The following NT5M variants were observed in gnomAD, a reference collection of about 807,000 sequenced individuals.
NT5M encodes 5',3'-nucleotidase, mitochondrial.
A neutral mutation model predicts 22.2 loss-of-function variants in NT5M; 22 were observed. The ratio of observed to expected loss-of-function variants is 0.99; its 90% CI spans 0.71 to 1.41. NT5M has a LOEUF of 1.41. Among genes scored for constraint, NT5M ranks in the 40% most tolerant of loss-of-function variants. The pLI, the probability that NT5M is intolerant of heterozygous loss-of-function variation, is 0.00. For synonymous variants in NT5M, 167 were observed against 133.0 expected, an observed-to-expected ratio of 1.26 and a Z score of -1.76; for missense variants, 322 against 314.8, an observed-to-expected ratio of 1.02 and a Z score of -0.17.
chr17:17,303,380 GGCC>G lies in NT5M; in HGVS notation c.-169_-167del. The G allele has an allele frequency of 1.3e-6, 1 of 781,596 alleles. No individual in the cohort carries two copies. The highest frequency in any genetic ancestry group is 1.6e-6 in the Non-Finnish European group (1 of 641,716). 48.4% of individuals were successfully genotyped at this position (781,596 alleles called of 1,614,324 possible). The stretch of plus-strand genomic sequence containing the variant: ...CGCGCGCGCCGCGGCCTCGCTCTGG[GGCC>G]GGTACTTGCGCGCCCGCACCCCGCG... On this transcript the variant is annotated 5_prime_UTR_variant, in exon 1 of 5. Coordinates refer to ENST00000389022, the MANE Select transcript of NT5M (RefSeq NM_020201.4).
chr17:17,337,678 T>G (rs1370564553), intron 3 of NT5M, among the ~76,000 whole-genome samples: 5 of 152,134 alleles, frequency 3.3e-5, no homozygotes, highest in Non-Finnish European at 7.4e-5. Flanking sequence ...GTGTGAGCCA[T>G]CACACGCAGC....
chr17:17,340,158 T>C (rs1476195732), intron 3 of NT5M, among the ~76,000 whole-genome samples: 1 of 152,230 alleles, frequency 6.6e-6, no homozygotes, highest in Admixed American at 6.5e-5. Flanking sequence ...CAGTTGTTGT[T>C]ACTTGTTATT....
At chr17:17,318,883 A>C (rs1289427305) in intron 2 of NT5M, among the ~76,000 whole-genome samples, 5 of 151,064 alleles carry the variant, frequency 3.3e-5, no homozygotes, top group Non-Finnish European at 1.5e-5. Context: ...GAAGCCAGAC[A>C]CAGAAGGCCA....
At chr17:17,340,421 AC>A (rs573212496) in intron 3 of NT5M, among the ~76,000 whole-genome samples, 142 of 151,034 alleles carry the variant, frequency 9.4e-4, no homozygotes, top group African/African-American at 3.0e-3. Context: ...TTTCCAAAAA[AC>A]CAACTTTTTG....
At chr17:17,332,981 T>C (rs1398440951) in intron 3 of NT5M, among the ~76,000 whole-genome samples, 1 of 152,226 alleles carries the variant, frequency 6.6e-6, no homozygotes, top group African/African-American at 2.4e-5. Context: ...CCACAGTGAA[T>C]GAGAGTCCCT....
chr17:17,313,639 G>A (rs916251271), intron 2 of NT5M, among the ~76,000 whole-genome samples: 2 of 152,194 alleles, frequency 1.3e-5, no homozygotes, highest in South Asian at 2.1e-4. Context: ...CAGGGGCTGC[G>A]GGGACACAAA....
At chr17:17,331,532 G>T (rs1489651522) in intron 3 of NT5M, among the ~76,000 whole-genome samples, 1 of 151,570 alleles carries the variant, frequency 6.6e-6, no homozygotes, top group East Asian at 1.9e-4. Context: ...CTTCTAGTTA[G>T]ATCTGGCCAT....
chr17:17,344,659 G>A (rs2049719632), intron 3 of NT5M, 135 bp from the exon 4 acceptor site: 2 of 1,058,736 alleles, frequency 1.9e-6, no homozygotes, highest in East Asian at 4.8e-5. Flanking sequence ...CTGGCGCTGG[G>A]CCTTGGTGTC....
intron 2 of NT5M, among the ~76,000 whole-genome samples, chr17:17,319,701 C>T (rs1051714234): frequency 2.0e-5 from 3 of 152,072 alleles, no homozygotes; most frequent in Non-Finnish European, 4.4e-5. Context: ...GGGTGGTTGC[C>T]TAGGGCCCCA....
chr17:17,307,997 C>A (rs1317286355), intron 2 of NT5M, among the ~76,000 whole-genome samples: 1 of 152,084 alleles, frequency 6.6e-6, no homozygotes, highest in Non-Finnish European at 1.5e-5. Flanking sequence ...TTGCAGTGAG[C>A]TGAGATTGCT....
chr17:17,304,979 G>A (rs1567876952), intron 1 of NT5M, among the ~76,000 whole-genome samples: 1 of 152,186 alleles, frequency 6.6e-6, no homozygotes, highest in Non-Finnish European at 1.5e-5. Context: ...AGTGTGCTGA[G>A]CTCTTCTACA....
Position 17,333,198 on chromosome 17 carries a change from G to T in NT5M, c.429+9953G>T, listed in dbSNP as rs1397482133. ...TGCCTCGTTTCTCATTGAGTTGTTT[G>T]TGAGTTGTGAGAGTTCTTTAGATAT... On this transcript the variant is annotated intron_variant, in intron 3 of 4. Transcript: ENST00000389022. Among the ~76,000 whole-genome samples, 2 of 152,212 alleles carry T rather than the reference G, an allele frequency of 1.3e-5. 1 individual carries two copies. The highest frequency in any genetic ancestry group is 2.9e-5 in the Non-Finnish European group (2 of 68,044).
chr17:17,307,438 AGAT>A (rs1355970595), intron 2 of NT5M, among the ~76,000 whole-genome samples: 1 of 151,374 alleles, frequency 6.6e-6, no homozygotes, highest in Non-Finnish European at 1.5e-5. Context: ...AGCCTGGCCA[AGAT>A]GATGAAACCT....
chr17:17,318,212 C>T (rs1266795875), intron 2 of NT5M, among the ~76,000 whole-genome samples: 1 of 152,120 alleles, frequency 6.6e-6, no homozygotes, highest in East Asian at 1.9e-4. Context: ...CATGGTGGCT[C>T]ATGCCTGTAA....
At chr17:17,315,762 T>TTG (rs2049012523) in intron 2 of NT5M, among the ~76,000 whole-genome samples, 1 of 140,044 alleles carries the variant, frequency 7.1e-6, no homozygotes, top group Non-Finnish European at 1.6e-5. Flanking sequence ...GTTTTTTTTT[T>TTG]TTTTTTTTTT....
At chr17:17,321,449 A>C (rs996739776) in intron 2 of NT5M, among the ~76,000 whole-genome samples, 2 of 151,826 alleles carry the variant, frequency 1.3e-5, no homozygotes, top group Non-Finnish European at 2.9e-5. Context: ...AGGGAGGAAG[A>C]AGTGAGCCCG....
At chr17:17,306,402 G>C in intron 1 of NT5M, 141 bp from the exon 2 acceptor site, 2 of 689,628 alleles carry the variant, frequency 2.9e-6, no homozygotes, top group Non-Finnish European at 5.2e-6. Context: ...ACTACCCCCA[G>C]GAAGTACGTC....
At chr17:17,340,701 T>G (rs926771337) in intron 3 of NT5M, among the ~76,000 whole-genome samples, 1 of 151,614 alleles carries the variant, frequency 6.6e-6, no homozygotes, top group Non-Finnish European at 1.5e-5. Flanking sequence ...TTATTTTTGT[T>G]TTTTTAGTAG....
chr17:17,333,791 G>A (rs1206010809), intron 3 of NT5M, among the ~76,000 whole-genome samples: 1 of 151,358 alleles, frequency 6.6e-6, no homozygotes, highest in Non-Finnish European at 1.5e-5. Context: ...CCTAGTAGCT[G>A]GGATTACAGG....
Sources: gnomAD v4.1 joint callset for allele counts (sites outside exome capture counted in the v4.1 genomes callset) on GRCh38, gnomAD v4.1.1 for gene constraint, MANE v1.5 for transcripts, NCBI Gene and HGNC (gene_info 2026-07-23, HGNC 2026-07-21) for gene names.